LRMDA: variants seen among roughly 807,000 people sequenced by gnomAD.
LRMDA encodes the protein leucine-rich melanocyte differentiation-associated protein.
Under a neutral mutation model 29.8 loss-of-function variants are expected in LRMDA, and 18 were observed. That is an observed-to-expected ratio of 0.60 (90% CI 0.42 to 0.90). LRMDA has a LOEUF of 0.90. LRMDA is among the 40% of genes least tolerant of loss of function. The pLI, the probability that LRMDA is intolerant of heterozygous loss-of-function variation, is 0.00. For missense variants in LRMDA, 273 were observed against 273.9 expected, an observed-to-expected ratio of 1.00 and a Z score of 0.02; for synonymous variants, 125 against 109.4, an observed-to-expected ratio of 1.14 and a Z score of -0.89.
At chr10:75,452,119 C>T (rs891929693) in intron 2 of LRMDA, among the ~76,000 whole-genome samples, 5 of 152,054 alleles carry the variant, frequency 3.3e-5, no homozygotes, top group African/African-American at 1.2e-4. Context: ...AAGTGGCCAG[C>T]GTTGTTGGAG....
chr10:76,294,679 T>C (rs1355926470), intron 5 of LRMDA, among the ~76,000 whole-genome samples: 4 of 152,202 alleles, frequency 2.6e-5, no homozygotes, highest in Non-Finnish European at 5.9e-5. Flanking sequence ...CTGACACCTA[T>C]CAGACAAAAT....
intron 5 of LRMDA, among the ~76,000 whole-genome samples, chr10:76,117,914 T>G (rs1849694387): frequency 6.6e-6 from 1 of 152,214 alleles, no homozygotes; most frequent in Non-Finnish European, 1.5e-5. Context: ...CTTTCCCCTA[T>G]TGCTATATAG....
chr10:75,562,306 G>T (rs1378520782), intron 2 of LRMDA, among the ~76,000 whole-genome samples: 1 of 151,988 alleles, frequency 6.6e-6, no homozygotes, highest in Non-Finnish European at 1.5e-5. Flanking sequence ...TGTCTCTTTT[G>T]ATCTTTGTTG....
chr10:75,999,434 AT>A (rs997694913), intron 2 of LRMDA, among the ~76,000 whole-genome samples: 2 of 152,206 alleles, frequency 1.3e-5, no homozygotes, highest in South Asian at 4.1e-4. Flanking sequence ...CAGTTGCAGA[AT>A]TTTTTTCCCC....
chr10:76,260,539 C>T lies in LRMDA; in HGVS notation c.517-63862C>T, dbSNP rs558721573. Among the ~76,000 whole-genome samples the T allele has an allele frequency of 2.2e-3, 339 of 152,106 alleles. 2 individuals are homozygous for T. The highest frequency in any genetic ancestry group is 7.6e-3 in the African/African-American group (316 of 41,488). On this transcript the variant is annotated intron_variant, in intron 5 of 6. Transcript: ENST00000611255. ...TCTCTCTTGGCCTATAAGGTTTCTG[C>T]GGAGAAACCCATTATTAATGTAATG...
chr10:76,469,090 C>G (rs1385327017), intron 6 of LRMDA, among the ~76,000 whole-genome samples: 1 of 152,164 alleles, frequency 6.6e-6, no homozygotes, highest in Non-Finnish European at 1.5e-5. Flanking sequence ...AGAGCAACTA[C>G]TAAAACTCAA....
At chr10:75,869,476 G>A (rs1434717090) in intron 2 of LRMDA, among the ~76,000 whole-genome samples, 2 of 152,166 alleles carry the variant, frequency 1.3e-5, no homozygotes, top group African/African-American at 4.8e-5. Context: ...ATCCCAGAAT[G>A]CATTTGTGGA....
chr10:75,812,108 ATTTTTTTTTTTT>A (rs67846089), intron 2 of LRMDA, among the ~76,000 whole-genome samples: 4 of 46,258 alleles, frequency 8.6e-5, no homozygotes, highest in African/African-American at 3.6e-4. Context: ...TTTAATTGTG[ATTTTTTTTTTTT>A]TTTTTTTTTT....
At chr10:76,348,312 G>T (rs1409721472) in intron 6 of LRMDA, among the ~76,000 whole-genome samples, 1 of 152,128 alleles carries the variant, frequency 6.6e-6, no homozygotes, top group Non-Finnish European at 1.5e-5. Context: ...CGGGCAATGT[G>T]GTAGAGTGGG....
chr10:75,963,184 C>T (rs1846798428), intron 2 of LRMDA, among the ~76,000 whole-genome samples: 1 of 152,172 alleles, frequency 6.6e-6, no homozygotes, highest in South Asian at 2.1e-4. Context: ...CCAAAGTTTA[C>T]TTTTTGCTTT....
chr10:75,916,193 T>TGTGTGTGGGTGG (rs72087365), intron 2 of LRMDA, among the ~76,000 whole-genome samples: 4 of 140,060 alleles, frequency 2.9e-5, no homozygotes, highest in East Asian at 4.2e-4. Context: ...TGTGTGTGTG[T>TGTGTGTGGGTGG]GTGGGTGGGT....
At chr10:76,376,944 G>A (rs1841529364) in intron 6 of LRMDA, among the ~76,000 whole-genome samples, 1 of 129,954 alleles carries the variant, frequency 7.7e-6, no homozygotes, top group African/African-American at 3.0e-5. Flanking sequence ...GGAGTGCAAT[G>A]GCGCGATCTC....
chr10:76,134,400 T>C (rs1192565712), intron 5 of LRMDA, among the ~76,000 whole-genome samples: 1 of 152,230 alleles, frequency 6.6e-6, no homozygotes, highest in Non-Finnish European at 1.5e-5. Flanking sequence ...GACTCCTTGT[T>C]TGTTCCCCAG....
Position 76,047,146 on chromosome 10 carries a change from A to G in LRMDA, c.259-18A>G, listed in dbSNP as rs370730144. The G allele has an allele frequency of 6.2e-7, 1 of 1,613,654 alleles. No individual in the cohort carries two copies. Among genetic ancestry groups the G allele is most frequent in the Non-Finnish European group, 8.5e-7 (1 of 1,179,786 alleles). On this transcript the variant is annotated intron_variant, in intron 3 of 6. Coordinates refer to ENST00000611255, the MANE Select transcript of LRMDA (RefSeq NM_001305581.2). The stretch of plus-strand genomic sequence containing the variant: ...AAGCCTTTTGTCTTACTGGACCAAG[A>G]TTCTTAACCTTTGTCACATCACTGA...
chr10:76,402,153 A>G (rs994331646), intron 6 of LRMDA: 1 of 152,220 alleles, frequency 6.6e-6, no homozygotes, highest in Non-Finnish European at 1.5e-5. Flanking sequence ...TGCAGGAGGT[A>G]AAGAGGTTAG....
intron 2 of LRMDA, among the ~76,000 whole-genome samples, chr10:75,506,498 CTT>C (rs1241122403): frequency 6.6e-6 from 1 of 151,668 alleles, no homozygotes; most frequent in Non-Finnish European, 1.5e-5. Flanking sequence ...TTTTTGGTGT[CTT>C]ATAGCAGATC....
At chr10:76,179,243 G>C (rs12354668) in intron 5 of LRMDA, among the ~76,000 whole-genome samples, 21 of 152,162 alleles carry the variant, frequency 1.4e-4, no homozygotes, top group South Asian at 6.2e-4. Flanking sequence ...AAGGAGGGGG[G>C]GGTGGTGGAG....
chr10:75,970,093 C>T (rs187114965), intron 2 of LRMDA, among the ~76,000 whole-genome samples: 14 of 152,258 alleles, frequency 9.2e-5, no homozygotes, highest in South Asian at 8.3e-4. Flanking sequence ...TTGAGGTGTC[C>T]AATAGGTAGC....
intron 2 of LRMDA, among the ~76,000 whole-genome samples, chr10:76,010,037 A>G (rs1847748020): frequency 2.6e-5 from 4 of 152,044 alleles, no homozygotes; most frequent in Admixed American, 2.6e-4. Context: ...CAGCTCCCCA[A>G]ATCAGCATAG....
Sources: allele counts gnomAD v4.1 joint callset (sites outside exome capture counted in the v4.1 genomes callset), GRCh38; gene constraint gnomAD v4.1.1; transcripts MANE v1.5; gene names NCBI Gene and HGNC (gene_info 2026-07-23, HGNC 2026-07-21).